Variants in IQGAP1 observed in about 807,000 individuals in gnomAD.
IQGAP1 encodes the protein IQ motif containing GTPase activating protein 1.
In IQGAP1, 66 loss-of-function variants were observed where a neutral mutation model predicts 215.6. The ratio of observed to expected loss-of-function variants is 0.31; its 90% confidence interval spans 0.25 to 0.38. The LOEUF is 0.38. Among genes scored for constraint, IQGAP1 ranks in the 10% least tolerant of loss-of-function variants. IQGAP1 has a pLI of 1.00. For synonymous variants in IQGAP1, 772 were observed against 728.7 expected (o/e 1.06, Z -0.96); for missense variants, 1,712 against 1,997.1 (o/e 0.86, Z 2.72).
intron 9 of IQGAP1, among the ~76,000 whole-genome samples, chr15:90,446,403 A>C (rs904672180): frequency 7.2e-5 from 11 of 152,194 alleles, no homozygotes; most frequent in African/African-American, 2.2e-4. Context: ...CATACAAATG[A>C]GTACTTTTAG....
intron 15 of IQGAP1, among the ~76,000 whole-genome samples, chr15:90,463,861 C>T (rs1182332876): frequency 6.6e-6 from 1 of 152,180 alleles, no homozygotes; most frequent in Non-Finnish European, 1.5e-5. Context: ...TTGGCCTTAT[C>T]CTGTCACCTG....
intron 18 of IQGAP1, among the ~76,000 whole-genome samples, chr15:90,469,902 G>A (rs1464781621): frequency 1.3e-5 from 2 of 152,198 alleles, no homozygotes; most frequent in Non-Finnish European, 1.5e-5. Context: ...TACCTGGCAC[G>A]TGGTAGGAGT....
chr15:90,456,887 C>CAAA (rs745807702), intron 15 of IQGAP1, among the ~76,000 whole-genome samples: 111 of 138,556 alleles, frequency 8.0e-4, no homozygotes, highest in African/African-American at 2.4e-3. Flanking sequence ...GACTCCGTCT[C>CAAA]AAAAAAATAT....
chr15:90,399,499 A>G (rs1964775990), intron 2 of IQGAP1, among the ~76,000 whole-genome samples: 1 of 152,174 alleles, frequency 6.6e-6, no homozygotes, highest in African/African-American at 2.4e-5. Context: ...TATTTGCTAC[A>G]AACATTTTCC....
At chr15:90,478,262 A>T (rs1035766141) in intron 26 of IQGAP1, among the ~76,000 whole-genome samples, 1 of 152,184 alleles carries the variant, frequency 6.6e-6, no homozygotes, top group Non-Finnish European at 1.5e-5. Context: ...AAGTGCTGTG[A>T]TTACAGCTGT....
rs1966202486 is a variant in IQGAP1 at position 90,491,409 on chromosome 15, A to G, written c.4325A>G (p.Lys1442Arg). 1.9e-6 allele frequency: 3 copies of G among 1,614,192 alleles called. No individual in the cohort carries two copies. In the East Asian group the frequency reaches 6.7e-5, roughly 36 times the overall value. ...AKTPDKMKKS[K>R]SVKEDSNLTL... is the part of the protein sequence containing the mutation. ...ACACCTGACAAGATGAAAAAGTCAA[A>G]ATCTGTAAAGGAAGACAGCAACCTC... Residue 1442 changes from lysine (K) to arginine (R), a missense_variant, in exon 34 of 38, where the codon AAA (lysine) becomes AGA (arginine). Lys to Arg is a conservative substitution (Grantham distance 26). Transcript: ENST00000268182.
chr15:90,456,404 T>C, intron 15 of IQGAP1, 89 bp downstream of exon 15: 1 of 1,294,438 alleles, frequency 7.7e-7, no homozygotes, highest in Non-Finnish European at 1.1e-6. Context: ...CCTTGATTCA[T>C]TCAGTGAATG....
intron 3 of IQGAP1, among the ~76,000 whole-genome samples, chr15:90,428,121 G>C (rs1030909521): frequency 2.6e-5 from 4 of 152,018 alleles, no homozygotes; most frequent in African/African-American, 9.7e-5. Flanking sequence ...ACCCAGGCTA[G>C]AGTGCAGTAA....
chr15:90,497,204 A>G (rs537280813), intron 36 of IQGAP1, 28 bp from the exon 37 acceptor site: 7 of 1,154,566 alleles, frequency 6.1e-6, no homozygotes, highest in South Asian at 2.6e-5. Flanking sequence ...TATAAAAACC[A>G]TACCCTTACG....
chr15:90,465,671 ATGTTTGTT>A (rs36085795), intron 15 of IQGAP1, among the ~76,000 whole-genome samples: 157 of 89,214 alleles, frequency 1.8e-3, no homozygotes, highest in South Asian at 5.3e-3. Flanking sequence ...TGGCCAAGCT[ATGTTTGTT>A]TGTTTGTTTG....
At chr15:90,438,129 T>A (rs980757726) in intron 5 of IQGAP1, among the ~76,000 whole-genome samples, 2 of 152,226 alleles carry the variant, frequency 1.3e-5, no homozygotes, top group Admixed American at 6.5e-5. Flanking sequence ...GATATTGAGG[T>A]TTATAGATTA....
intron 23 of IQGAP1, chr15:90,474,991 TGG>T: frequency 4.5e-6 from 1 of 221,854 alleles, no homozygotes; most frequent in Non-Finnish European, 8.8e-6. Flanking sequence ...TTTTGATTTT[TGG>T]CTTTTTTTTT....
intron 7 of IQGAP1, 152 bp downstream of exon 7, chr15:90,440,767 A>T (rs1190308442): frequency 1.2e-5 from 7 of 589,242 alleles, no homozygotes; most frequent in Non-Finnish European, 1.8e-5. Flanking sequence ...CCATGCTGTT[A>T]TTATTTGGAA....
chr15:90,455,574 C>T (rs565369575), intron 14 of IQGAP1, among the ~76,000 whole-genome samples: 5 of 152,178 alleles, frequency 3.3e-5, no homozygotes, highest in African/African-American at 1.2e-4. Context: ...GCCTAAGATA[C>T]CTGGGGAGTG....
At chr15:90,478,011 G>A in intron 26 of IQGAP1, 122 bp downstream of exon 26, 1 of 706,258 alleles carries the variant, frequency 1.4e-6, no homozygotes, top group Non-Finnish European at 2.3e-6. Flanking sequence ...TCTTTTTTTA[G>A]ACAGAGTTTC....
intron 3 of IQGAP1, among the ~76,000 whole-genome samples, chr15:90,428,300 C>A (rs954457480): frequency 1.3e-5 from 2 of 152,036 alleles, no homozygotes; most frequent in Non-Finnish European, 2.9e-5. Context: ...TGGTCTCCAA[C>A]TCCTGGGCTT....
At chr15:90,489,551 G>A (rs1323333906) in intron 33 of IQGAP1, among the ~76,000 whole-genome samples, 1 of 152,134 alleles carries the variant, frequency 6.6e-6, no homozygotes, top group Non-Finnish European at 1.5e-5. Context: ...TATAGAGCAG[G>A]TACTCTGCTA....
At chr15:90,456,085 C>T in intron 14 of IQGAP1, 67 bp from the exon 15 acceptor site, 1 of 1,362,616 alleles carries the variant, frequency 7.3e-7, no homozygotes, top group Non-Finnish European at 1.0e-6. Flanking sequence ...TTAGCATGTT[C>T]CATGATTGAT....
chr15:90,484,499 T>C lies in IQGAP1; in HGVS notation c.3921+147T>C, dbSNP rs1966099280. ...TTGATGTCTCTTTTTTTGCTTGTTA[T>C]TCTTTTTTGTTTATTTATTTATTTT... On this transcript the variant is annotated intron_variant, in intron 30 of 37. Transcript: ENST00000268182. The C allele has an allele frequency of 6.4e-6, 4 of 626,308 alleles. No homozygotes were observed. In the East Asian group the frequency reaches 8.9e-5, roughly 14 times the overall value. 38.8% of individuals were successfully genotyped at this position (626,308 alleles called of 1,614,324 possible). A position where few individuals can be genotyped will look rare whatever the true frequency, so the allele number is the denominator to read the frequency against.
Sources: gnomAD v4.1 joint callset for allele counts (sites outside exome capture counted in the v4.1 genomes callset) on GRCh38, gnomAD v4.1.1 for gene constraint, MANE v1.5 for transcripts, NCBI Gene and HGNC (gene_info 2026-07-23, HGNC 2026-07-21) for gene names.